Variants in CSMD2 observed in about 807,000 individuals in gnomAD.
CSMD2 encodes the protein CUB and sushi domain-containing protein 2.
In CSMD2, 130 loss-of-function variants were observed where a neutral mutation model predicts 398.5. That is an observed-to-expected ratio of 0.33 (90% CI 0.28 to 0.38). CSMD2 has a LOEUF of 0.38. Among genes scored for constraint, CSMD2 ranks in the 10% least tolerant of loss-of-function variants. The pLI, the probability that CSMD2 is intolerant of heterozygous loss-of-function variation, is 1.00. For missense variants in CSMD2, 3,829 were observed against 4,764.9 expected, an observed-to-expected ratio of 0.80 and a Z score of 5.78; for synonymous variants, 1,828 against 1,908.5, an observed-to-expected ratio of 0.96 and a Z score of 1.10.
At chr1:33,608,356 G>A (rs974941690) in intron 41 of CSMD2, among the ~76,000 whole-genome samples, 6 of 152,158 alleles carry the variant, frequency 3.9e-5, no homozygotes, top group South Asian at 4.1e-4. Flanking sequence ...CACAGTGCAC[G>A]GGGTGGGCCC....
chr1:33,591,674 G>C (rs995862839), intron 44 of CSMD2: 1 of 152,164 alleles, frequency 6.6e-6, no homozygotes, highest in Non-Finnish European at 1.5e-5. Context: ...CCAGGCTGGA[G>C]TGCAGTACCA....
chr1:33,555,437 T>C (rs985702732), intron 55 of CSMD2, among the ~76,000 whole-genome samples: 16 of 152,184 alleles, frequency 1.1e-4, no homozygotes, highest in Admixed American at 5.9e-4. Context: ...GAACTTCACA[T>C]GAAGTTAGTT....
At chr1:33,975,289 A>G (rs1488856396) in intron 3 of CSMD2, among the ~76,000 whole-genome samples, 1 of 152,198 alleles carries the variant, frequency 6.6e-6, no homozygotes, top group East Asian at 1.9e-4. Context: ...TGTAATCACA[A>G]GGGCTCCTGA....
At chr1:33,753,635 A>G (rs1648571285) in intron 13 of CSMD2, among the ~76,000 whole-genome samples, 1 of 152,224 alleles carries the variant, frequency 6.6e-6, no homozygotes, top group Non-Finnish European at 1.5e-5. Flanking sequence ...TGGTAGAGTC[A>G]TGGCAAGCTT....
chr1:33,973,904 C>T (rs10914824), intron 3 of CSMD2, among the ~76,000 whole-genome samples: 5,051 of 152,156 alleles, frequency 0.033, 288 homozygotes, highest in African/African-American at 0.11. Flanking sequence ...GAAGAATCAA[C>T]GGATGAATCA....
chr1:33,830,191 T>C (rs1570159556), intron 6 of CSMD2, among the ~76,000 whole-genome samples: 1 of 152,188 alleles, frequency 6.6e-6, no homozygotes, highest in African/African-American at 2.4e-5. Context: ...GATCTGAGAA[T>C]GGGCAGACTG....
chr1:33,574,318 A>T (rs968625617), intron 49 of CSMD2, among the ~76,000 whole-genome samples: 1 of 152,206 alleles, frequency 6.6e-6, no homozygotes, highest in Admixed American at 6.5e-5. Flanking sequence ...ATTATTTTAT[A>T]AGGAGTAGGG....
At chr1:33,575,460 C>T (rs1246911985) in intron 49 of CSMD2, among the ~76,000 whole-genome samples, 1 of 152,094 alleles carries the variant, frequency 6.6e-6, no homozygotes, top group African/African-American at 2.4e-5. Context: ...AGACAGCCAG[C>T]TGGGTAGGGA....
intron 5 of CSMD2, among the ~76,000 whole-genome samples, chr1:33,907,285 A>AT (rs565058113): frequency 0.077 from 10,852 of 140,884 alleles, 425 homozygotes; most frequent in South Asian, 0.12. Flanking sequence ...CGCCCAGCTA[A>AT]TTTTTTTTTT....
At chr1:33,852,731 CT>C (rs1455505491) in intron 5 of CSMD2, among the ~76,000 whole-genome samples, 10 of 152,230 alleles carry the variant, frequency 6.6e-5, no homozygotes, top group Non-Finnish European at 1.3e-4. Flanking sequence ...GTCTCAGTAT[CT>C]CTGGTGCACA....
chr1:33,684,827 T>C (rs995123954), intron 25 of CSMD2, among the ~76,000 whole-genome samples: 2 of 152,260 alleles, frequency 1.3e-5, no homozygotes, highest in African/African-American at 4.8e-5. Flanking sequence ...AATTATGATC[T>C]GTCCTCGCAG....
At position 33,825,685 on chromosome 1, in the gene CSMD2, G is replaced by T. The variant is rs1181511520; in HGVS notation, c.1111+12C>A. ...AGAGGCCCGGCAGGCGGGCTGGCGG[G>T]CGGACACTTACACACAGACGTCTTC... On this transcript the variant is annotated intron_variant, in intron 7 of 70. Coordinates refer to ENST00000373381, the MANE Select transcript of CSMD2 (RefSeq NM_001281956.2). 1.3e-6 allele frequency: 2 copies of T among 1,594,692 alleles called. No homozygotes were observed. Among genetic ancestry groups the T allele is most frequent in the Non-Finnish European group, 1.7e-6 (2 of 1,170,334 alleles).
intron 1 of CSMD2, among the ~76,000 whole-genome samples, chr1:34,108,805 G>C (rs1660770568): frequency 1.3e-5 from 2 of 152,196 alleles, no homozygotes; most frequent in African/African-American, 2.4e-5. Flanking sequence ...AACCACAGTA[G>C]AGGTGATTTG....
At chr1:33,532,132 G>A (rs188225502) in intron 64 of CSMD2, among the ~76,000 whole-genome samples, 18 of 152,312 alleles carry the variant, frequency 1.2e-4, no homozygotes, top group Non-Finnish European at 2.2e-4. Flanking sequence ...CCTCTGAGTG[G>A]CAGGATAGCA....
chr1:33,678,121 A>T (rs985024815), intron 25 of CSMD2, among the ~76,000 whole-genome samples: 11 of 148,056 alleles, frequency 7.4e-5, no homozygotes, highest in African/African-American at 2.0e-4. Context: ...TAATAAAATT[A>T]AAAAAAAAAG....
At chr1:33,680,714 A>C (rs1018068671) in intron 25 of CSMD2, among the ~76,000 whole-genome samples, 2 of 151,880 alleles carry the variant, frequency 1.3e-5, no homozygotes, top group African/African-American at 4.8e-5. Context: ...TGAGGCCTGG[A>C]GCCTTGAATT....
intron 1 of CSMD2, among the ~76,000 whole-genome samples, chr1:34,157,313 C>T (rs1158231164): frequency 5.3e-5 from 8 of 152,224 alleles, no homozygotes; most frequent in Admixed American, 6.5e-5. Flanking sequence ...CAATGTGAGG[C>T]GGGTCAAGGT....
chr1:34,159,932 C>T (rs978435245), intron 1 of CSMD2, among the ~76,000 whole-genome samples: 2 of 152,180 alleles, frequency 1.3e-5, no homozygotes, highest in Non-Finnish European at 2.9e-5. Context: ...TCTAATCCTT[C>T]CAAAAACTCA....
chr1:33,971,449 C>T (rs1645761331), intron 3 of CSMD2, among the ~76,000 whole-genome samples: 1 of 152,238 alleles, frequency 6.6e-6, no homozygotes, highest in African/African-American at 2.4e-5. Flanking sequence ...CCTCGGGAAA[C>T]ATCGTGCCTG....
Sources: gnomAD v4.1 joint callset for allele counts (sites outside exome capture counted in the v4.1 genomes callset) on GRCh38, gnomAD v4.1.1 for gene constraint, MANE v1.5 for transcripts, NCBI Gene and HGNC (gene_info 2026-07-23, HGNC 2026-07-21) for gene names.